CTNNA2: variants seen among roughly 807,000 people sequenced by gnomAD.
CTNNA2 encodes the protein catenin alpha 2, also known as catenin alpha-2.
Under a neutral mutation model 101.0 loss-of-function variants are expected in CTNNA2, and 42 were observed. The observed-to-expected ratio is 0.42, with a 90% CI of 0.32 to 0.54. The LOEUF (loss-of-function observed/expected upper bound fraction) is 0.54. Ranked by LOEUF, CTNNA2 falls within the 20% of genes least tolerant of loss-of-function variation. CTNNA2 has a pLI of 0.14. For synonymous variants in CTNNA2, 450 were observed against 456.4 expected (o/e 0.99, Z 0.18); for missense variants, 871 against 1,223.1 (o/e 0.71, Z 4.29).
intron 2 of CTNNA2, among the ~76,000 whole-genome samples, chr2:79,239,639 C>A (rs1381662928): frequency 6.6e-6 from 1 of 152,058 alleles, no homozygotes; most frequent in Non-Finnish European, 1.5e-5. Context: ...TAGGCACAGG[C>A]AAAGATTTCA....
At chr2:79,964,414 A>G (rs1052561078) in intron 7 of CTNNA2, among the ~76,000 whole-genome samples, 1 of 152,172 alleles carries the variant, frequency 6.6e-6, no homozygotes, top group Admixed American at 6.5e-5. Context: ...GGTTTGGAAA[A>G]AAAAAAGCCA....
At chr2:79,580,117 A>T (rs886549203) in intron 1 of CTNNA2, among the ~76,000 whole-genome samples, 7 of 152,138 alleles carry the variant, frequency 4.6e-5, no homozygotes, top group Non-Finnish European at 1.0e-4. Context: ...TTGATTAGAT[A>T]TTGGAATGCA....
In CTNNA2 at chr2:79,952,396, C is replaced by A. The variant is rs1688949661; in HGVS notation, c.1056+42599C>A. On this transcript the variant is annotated intron_variant, in intron 7 of 18. Coordinates refer to ENST00000402739, the MANE Select transcript of CTNNA2 (RefSeq NM_001282597.3). Reference sequence around the variant, plus strand: ...ACACTAGATGCTCAATTAATAACTGCTGAAATAATTGTGCTCAAAAAGGGA... The same window carrying A: ...ACACTAGATGCTCAATTAATAACTGATGAAATAATTGTGCTCAAAAAGGGA... 2.6e-5 allele frequency among the ~76,000 whole-genome samples: 4 copies of A among 152,054 alleles called. No individual in the cohort carries two copies. In the South Asian group the frequency reaches 8.3e-4, roughly 32 times the overall value.
rs1480123352 is a variant in CTNNA2, at chr2:80,402,771, A to C, written c.1137+9480A>C. On this transcript the variant is annotated intron_variant, in intron 8 of 18. Transcript: ENST00000402739. ...ATATTATATATTTATATAATTTATAATATATAAATTATGTTTAATATAAAT... is the reference window on the plus strand; with the variant it reads ...ATATTATATATTTATATAATTTATACTATATAAATTATGTTTAATATAAAT... Among the ~76,000 whole-genome samples, 3 of 147,942 alleles carry C rather than the reference A, an allele frequency of 2.0e-5. No individual in the cohort carries two copies. The East Asian group carries it at 5.8e-4, about 29-fold the overall frequency.
intron 1 of CTNNA2, among the ~76,000 whole-genome samples, chr2:79,567,650 C>T (rs1675197080): frequency 6.6e-6 from 1 of 151,984 alleles, no homozygotes. Context: ...CCTTCCTCCC[C>T]ATACAAGTAG....
chr2:80,300,281 G>GGTGTGT lies in CTNNA2; in HGVS notation c.1057-92883_1057-92878dup, dbSNP rs70940079. ...CAGGAAAAATGAGCTGGGGTGTTGGGGTGTGTGTGTGTGTGTGTGTGTGTG... is the reference window on the plus strand; with the variant it reads ...CAGGAAAAATGAGCTGGGGTGTTGGGGTGTGTGTGTGTGTGTGTGTGTGTGTGTGTG... On this transcript the variant is annotated intron_variant, in intron 7 of 18. Transcript: ENST00000402739. 6.9e-3 allele frequency among the ~76,000 whole-genome samples: 643 copies of GGTGTGT among 93,124 alleles called. 4 individuals carry two copies. The highest frequency in any genetic ancestry group is 0.013 in the African/African-American group (283 of 22,524). 61.1% of individuals were successfully genotyped at this position (93,124 alleles called of 152,430 possible).
At chr2:79,620,957 C>T (rs970121177) in intron 1 of CTNNA2, among the ~76,000 whole-genome samples, 1 of 152,164 alleles carries the variant, frequency 6.6e-6, no homozygotes, top group Non-Finnish European at 1.5e-5. Context: ...GATGACAAAT[C>T]ACTGGTCTGC....
At chr2:80,106,648 G>A (rs1350728425) in intron 7 of CTNNA2, among the ~76,000 whole-genome samples, 1 of 152,116 alleles carries the variant, frequency 6.6e-6, no homozygotes, top group African/African-American at 2.4e-5. Context: ...AAGGCCTCGT[G>A]CATTCCAAGA....
At chr2:79,820,015 G>C (rs190857781) in intron 3 of CTNNA2, among the ~76,000 whole-genome samples, 1 of 151,982 alleles carries the variant, frequency 6.6e-6, no homozygotes, top group East Asian at 1.9e-4. Flanking sequence ...TTAGTTCATC[G>C]TCTAGTTGGT....
intron 2 of CTNNA2, among the ~76,000 whole-genome samples, chr2:79,714,478 A>G (rs756611856): frequency 3.3e-5 from 5 of 152,178 alleles, no homozygotes; most frequent in Non-Finnish European, 4.4e-5. Flanking sequence ...GCTATCATAG[A>G]TTATGCTGGC....
At chr2:79,957,445 T>G (rs1689317422) in intron 7 of CTNNA2, among the ~76,000 whole-genome samples, 1 of 152,160 alleles carries the variant, frequency 6.6e-6, no homozygotes. Context: ...TCTTTACTGG[T>G]CTCTGACTGC....
At chr2:79,800,574 G>C (rs543377435) in intron 3 of CTNNA2, among the ~76,000 whole-genome samples, 1 of 152,282 alleles carries the variant, frequency 6.6e-6, no homozygotes, top group African/African-American at 2.4e-5. Context: ...GGTGTCTTGG[G>C]GAGTTTAGAG....
chr2:80,582,043 CAT>C (rs1272698427), intron 14 of CTNNA2, among the ~76,000 whole-genome samples: 1 of 152,100 alleles, frequency 6.6e-6, no homozygotes, highest in Non-Finnish European at 1.5e-5. Context: ...TCACTGGAAA[CAT>C]AGCAACCACA....
intron 1 of CTNNA2, among the ~76,000 whole-genome samples, chr2:79,555,969 T>C (rs1466023177): frequency 6.6e-6 from 1 of 152,128 alleles, no homozygotes; most frequent in Non-Finnish European, 1.5e-5. Context: ...ATTATAATTT[T>C]TGCAAAGGTA....
At position 80,216,114 on chromosome 2, in the gene CTNNA2, C is replaced by T. The variant is rs973099107; in HGVS notation, c.1057-177097C>T. ...CCATTTGCTAAGACTGTTGGAAAAG[C>T]GCAGTATTAGGGTGGGAGTATACCG... On this transcript the variant is annotated intron_variant, in intron 7 of 18. Coordinates refer to ENST00000402739, the MANE Select transcript of CTNNA2 (RefSeq NM_001282597.3). 1.3e-4 allele frequency among the ~76,000 whole-genome samples: 20 copies of T among 152,296 alleles called. 1 individual carries two copies. Among genetic ancestry groups the T allele is most frequent in the Middle Eastern group, 3.4e-3 (1 of 294 alleles).
intron 7 of CTNNA2, among the ~76,000 whole-genome samples, chr2:79,995,342 G>A (rs924220833): frequency 6.6e-6 from 1 of 152,150 alleles, no homozygotes; most frequent in African/African-American, 2.4e-5. Flanking sequence ...GTTACTTGGG[G>A]CTTTTTTCTT....
At chr2:79,660,843 G>GA (rs1241972471) in intron 2 of CTNNA2, among the ~76,000 whole-genome samples, 5 of 152,018 alleles carry the variant, frequency 3.3e-5, no homozygotes, top group Non-Finnish European at 7.4e-5. Context: ...GGAAAAAAGG[G>GA]AAAAAAGCCC....
At chr2:80,567,841 G>A (rs1368894) in intron 12 of CTNNA2, among the ~76,000 whole-genome samples, 39,989 of 151,952 alleles carry the variant, frequency 0.26, 6,278 homozygotes, top group Admixed American at 0.36. Context: ...CATCCCTGTC[G>A]TGATATTTTA....
chr2:80,417,174 T>A (rs1680115733), intron 8 of CTNNA2, among the ~76,000 whole-genome samples: 1 of 151,708 alleles, frequency 6.6e-6, no homozygotes, highest in Non-Finnish European at 1.5e-5. Flanking sequence ...TATATGTTTG[T>A]GGAGTACAAT....
Sources: gnomAD v4.1 joint callset for allele counts (sites outside exome capture counted in the v4.1 genomes callset) on GRCh38, gnomAD v4.1.1 for gene constraint, MANE v1.5 for transcripts, NCBI Gene and HGNC (gene_info 2026-07-23, HGNC 2026-07-21) for gene names.